GOLGA4: variants seen among roughly 807,000 people sequenced by gnomAD.
GOLGA4 encodes the protein golgin subfamily A member 4.
In GOLGA4, 169 loss-of-function variants were observed where a neutral mutation model predicts 265.9. That is an observed-to-expected ratio of 0.64 (90% CI 0.56 to 0.72). The LOEUF (loss-of-function observed/expected upper bound fraction) is 0.72. Ranked by LOEUF, GOLGA4 falls within the 30% of genes least tolerant of loss-of-function variation. The probability of loss-of-function intolerance (pLI) is 0.00; values close to 1 mark genes in which losing one functional copy is unlikely to be tolerated. For synonymous variants in GOLGA4, 923 were observed against 855.8 expected, an observed-to-expected ratio of 1.08 and a Z score of -1.37; for missense variants, 2,482 against 2,483.4, an observed-to-expected ratio of 1.00 and a Z score of 0.01.
chr3:37,303,983 A>G (rs2096899791), intron 10 of GOLGA4, among the ~76,000 whole-genome samples: 1 of 152,208 alleles, frequency 6.6e-6, no homozygotes, highest in Non-Finnish European at 1.5e-5. Context: ...ACATTTATGC[A>G]CAGAGAATAA....
chr3:37,289,142 A>G (rs932880627), intron 4 of GOLGA4, 93 bp from the exon 5 acceptor site: 18 of 705,152 alleles, frequency 2.6e-5, no homozygotes, highest in Non-Finnish European at 3.9e-5. Flanking sequence ...AACGGTTGTA[A>G]TATTTTAAAA....
chr3:37,308,882 G>A (rs1033488656), intron 10 of GOLGA4, among the ~76,000 whole-genome samples: 3 of 151,952 alleles, frequency 2.0e-5, no homozygotes, highest in African/African-American at 7.2e-5. Context: ...CCAAAGGGCT[G>A]GGATTTCAGG....
intron 19 of GOLGA4, among the ~76,000 whole-genome samples, chr3:37,338,000 C>A (rs539353495): frequency 1.3e-5 from 2 of 152,150 alleles, no homozygotes; most frequent in South Asian, 2.1e-4. Context: ...AATTTATGTT[C>A]TACAAAGAAG....
At chr3:37,362,519 C>T (rs950364132) in intron 23 of GOLGA4, among the ~76,000 whole-genome samples, 6 of 150,518 alleles carry the variant, frequency 4.0e-5, no homozygotes, top group South Asian at 2.1e-4. Context: ...GGATTACAGG[C>T]GTGAGCCGCG....
intron 1 of GOLGA4, among the ~76,000 whole-genome samples, chr3:37,248,277 A>ATT (rs1252103515): frequency 6.6e-5 from 10 of 152,176 alleles, no homozygotes; most frequent in African/African-American, 2.4e-4. Flanking sequence ...GCACAGCTAA[A>ATT]ATGGTTTTTC....
chr3:37,364,651 A>G (rs931207280), intron 23 of GOLGA4, among the ~76,000 whole-genome samples: 3 of 149,308 alleles, frequency 2.0e-5, no homozygotes, highest in African/African-American at 7.5e-5. Context: ...CAGTGGCGTG[A>G]ACACAGTTCA....
intron 2 of GOLGA4, chr3:37,276,394 A>G: frequency 8.7e-6 from 14 of 1,607,828 alleles, no homozygotes; most frequent in Non-Finnish European, 1.2e-5. Flanking sequence ...ATGAGCTGAA[A>G]GAGATGTGGA....
At chr3:37,244,548 T>G (rs1187060320) in intron 1 of GOLGA4, among the ~76,000 whole-genome samples, 2 of 152,236 alleles carry the variant, frequency 1.3e-5, no homozygotes. Flanking sequence ...CTTTTTGAAT[T>G]TCAACAGACT....
chr3:37,248,418 A>G (rs2096725271), intron 1 of GOLGA4, among the ~76,000 whole-genome samples: 1 of 152,222 alleles, frequency 6.6e-6, no homozygotes, highest in African/African-American at 2.4e-5. Context: ...CAGATTTCTT[A>G]TGGCTATTGC....
At chr3:37,283,876 A>G (rs1336947401) in intron 3 of GOLGA4, among the ~76,000 whole-genome samples, 1 of 152,178 alleles carries the variant, frequency 6.6e-6, no homozygotes, top group Non-Finnish European at 1.5e-5. Context: ...ATTCCCGTAG[A>G]TGTTAATTAG....
At chr3:37,363,308 G>A (rs924375226) in intron 23 of GOLGA4, among the ~76,000 whole-genome samples, 1 of 152,136 alleles carries the variant, frequency 6.6e-6, no homozygotes, top group African/African-American at 2.4e-5. Flanking sequence ...AAGTCTTAAT[G>A]TTTTCCTTTT....
chr3:37,277,199 T>A (rs2096821757), intron 2 of GOLGA4, among the ~76,000 whole-genome samples: 1 of 152,250 alleles, frequency 6.6e-6, no homozygotes, highest in Non-Finnish European at 1.5e-5. Context: ...GTGATCATCA[T>A]CTCTTGTAAT....
chr3:37,327,754 G>C lies in GOLGA4; in HGVS notation c.5868G>C (p.Leu1956Phe), dbSNP rs1407607647. The C allele has an allele frequency of 6.2e-7, 1 of 1,612,688 alleles. No homozygotes were observed. Among genetic ancestry groups the C allele is most frequent in the Admixed American group, 1.7e-5 (1 of 60,006 alleles). ...IVRLQKDLRM[L>F]RKEHQQELEI... The stretch of plus-strand genomic sequence containing the variant: ...GATTGCAGAAAGACCTTCGAATGTT[G>C]AGAAAGGAGCATCAGCAAGAATTGG... Residue 1956 changes from leucine (L) to phenylalanine (F), a missense_variant, in exon 14 of 24, where the codon TTG becomes TTC. Around this residue, in one of 3 missense-constraint regions of GOLGA4, gnomAD observed 942 missense variants for 983.1 expected, o/e 0.96. Transcript: ENST00000361924.
At position 37,298,841 on chromosome 3, in the gene GOLGA4, G is replaced by A; in HGVS notation, c.823G>A (p.Gly275Arg). 6.2e-7 allele frequency: 1 copy of A among 1,601,600 alleles called. No homozygotes were observed. Among genetic ancestry groups the A allele is most frequent in the Non-Finnish European group, 8.5e-7 (1 of 1,175,674 alleles). ...TGTTGCTTTATTGTTAGTGGAAGAT[G>A]GAACTTCTGTAAAAACACTGGAAAC... ...ESDGEPVVED[G>R]TSVKTLETLQ... Residue 275 changes from glycine (G) to arginine (R), a missense_variant, in exon 8 of 24, where the codon GGA (glycine) becomes AGA (arginine). Transcript: ENST00000361924.
chr3:37,256,285 G>T (rs1047857235), intron 2 of GOLGA4, among the ~76,000 whole-genome samples: 1 of 151,982 alleles, frequency 6.6e-6, no homozygotes, highest in Non-Finnish European at 1.5e-5. Flanking sequence ...ATATTTGAGT[G>T]GCTTTGTTTC....
At chr3:37,348,830 G>T (rs1206670821) in intron 21 of GOLGA4, among the ~76,000 whole-genome samples, 1 of 152,130 alleles carries the variant, frequency 6.6e-6, no homozygotes, top group African/African-American at 2.4e-5. Context: ...GATAGCTACG[G>T]AGCTTAACTA....
intron 1 of GOLGA4, among the ~76,000 whole-genome samples, chr3:37,250,926 T>C (rs1321380648): frequency 1.3e-5 from 2 of 152,124 alleles, no homozygotes; most frequent in South Asian, 4.1e-4. Context: ...GTGCATTTCA[T>C]ACTATTGAAT....
chr3:37,313,964 TA>T (rs1001716645), intron 10 of GOLGA4, among the ~76,000 whole-genome samples: 2 of 130,762 alleles, frequency 1.5e-5, no homozygotes, highest in African/African-American at 5.5e-5. Flanking sequence ...AACACACATG[TA>T]TTTTTTTTTT....
chr3:37,306,102 A>T (rs912160094), intron 10 of GOLGA4, among the ~76,000 whole-genome samples: 5 of 152,168 alleles, frequency 3.3e-5, no homozygotes, highest in African/African-American at 7.2e-5. Context: ...AAATACTGAG[A>T]CTGTGAATAC....
Sources: gnomAD v4.1 joint callset for allele counts (sites outside exome capture counted in the v4.1 genomes callset) on GRCh38, gnomAD v4.1.1 for gene constraint, gnomAD v4.1.1 regional missense constraint, MANE v1.5 for transcripts, NCBI Gene and HGNC (gene_info 2026-07-23, HGNC 2026-07-21) for gene names.